The following LRP2 variants were observed in gnomAD, a reference collection of about 807,000 sequenced individuals.
The protein encoded by LRP2 is LDL receptor related protein 2, also known as low-density lipoprotein receptor-related protein 2.
In LRP2, 172 loss-of-function variants were observed where a neutral mutation model predicts 531.0. The ratio of observed to expected loss-of-function variants is 0.32; its 90% CI spans 0.29 to 0.37. LRP2 has a LOEUF of 0.37. Among genes scored for constraint, LRP2 ranks in the 10% least tolerant of loss-of-function variants. The pLI is 1.00. For synonymous variants in LRP2, 1,992 were observed against 2,027.6 expected (o/e 0.98, Z 0.47); for missense variants, 5,167 against 5,868.3 (o/e 0.88, Z 3.90).
chr2:169,360,016 T>C (rs1307628083), intron 1 of LRP2, among the ~76,000 whole-genome samples: 2 of 151,460 alleles, frequency 1.3e-5, no homozygotes, highest in Admixed American at 1.3e-4. Flanking sequence ...TCCCAGCTAC[T>C]TGGGAGGCTG....
Position 169,307,413 on chromosome 2 carries a change from ATTATTAC to A in LRP2, c.311-23_311-17del. ...GTACTTTGTGCTGCGAAGAGAAAAA[ATTATTAC>A]TTAATTTATAATTATTGCTAGACAC... On this transcript the variant is annotated splice_polypyrimidine_tract_variant and intron_variant, in intron 3 of 78. Coordinates refer to ENST00000649046, the MANE Select transcript of LRP2 (RefSeq NM_004525.3). 8 of 1,357,542 alleles carry A rather than the reference ATTATTAC, an allele frequency of 5.9e-6. No individual in the cohort carries two copies. Among genetic ancestry groups the A allele is most frequent in the Non-Finnish European group, 8.5e-6 (8 of 946,140 alleles). The allele number at this position is 1,357,542 out of a possible 1,614,324, so 84.1% of individuals were successfully genotyped here.
intron 32 of LRP2, 126 bp from the exon 33 acceptor site, chr2:169,225,579 G>A (rs897220294): frequency 9.1e-7 from 1 of 1,098,326 alleles, no homozygotes; most frequent in Non-Finnish European, 1.4e-6. Flanking sequence ...CAGAGGAAAG[G>A]CAAACAAAGG....
chr2:169,127,702 A>T lies in LRP2; in HGVS notation c.*961T>A, dbSNP rs1003400022. ...ACTTAGGAAATAAATAGTGATTATA[A>T]TGATATTTTCATAGAAACAAAAACC... On this transcript the variant is annotated 3_prime_UTR_variant, in exon 79 of 79. Transcript: ENST00000649046. The T allele has an allele frequency of 1.3e-5, 2 of 152,512 alleles. No homozygotes were observed. The highest frequency in any genetic ancestry group is 4.8e-5 in the African/African-American group (2 of 41,418). The allele number at this position is 152,512 out of a possible 1,614,324, so 9.4% of individuals were successfully genotyped here.
In LRP2 at chr2:169,176,560, A is replaced by G; in HGVS notation, c.10422T>C (p.Gly3474=). Residue 3474 remains glycine (G), a synonymous_variant, in exon 54 of 79, where the codon GGT becomes GGC. Coordinates refer to ENST00000649046, the MANE Select transcript of LRP2 (RefSeq NM_004525.3). ...TGATGAGGCAGAGATGAGAACAGCC[A>G]CCATTGTTGGTACCACAGGGATTGC... ...IVSNPCGTNN[G]GCSHLCLIKP... 2.5e-6 allele frequency: 4 copies of G among 1,614,186 alleles called. No individual in the cohort carries two copies. Among genetic ancestry groups the G allele is most frequent in the Non-Finnish European group, 3.4e-6 (4 of 1,180,032 alleles).
At chr2:169,187,902 C>A in intron 49 of LRP2, 68 bp downstream of exon 49, 1 of 1,520,418 alleles carries the variant, frequency 6.6e-7, no homozygotes, top group South Asian at 1.1e-5. Context: ...AAGTCTAAGT[C>A]GTGAAGGGTT....
At chr2:169,134,587 T>G (rs567423428) in intron 76 of LRP2, among the ~76,000 whole-genome samples, 2 of 152,180 alleles carry the variant, frequency 1.3e-5, no homozygotes, top group Non-Finnish European at 2.9e-5. Flanking sequence ...TATGCTATAG[T>G]ATCTTCCACA....
chr2:169,241,414 C>T (rs1689800756), intron 24 of LRP2, 49 bp from the exon 25 acceptor site: 1 of 1,604,986 alleles, frequency 6.2e-7, no homozygotes, highest in African/African-American at 1.3e-5. Flanking sequence ...AATTTGTGAT[C>T]CCTTTTATAG....
At chr2:169,219,204 T>A (rs945677199) in intron 34 of LRP2, among the ~76,000 whole-genome samples, 12 of 152,180 alleles carry the variant, frequency 7.9e-5, no homozygotes, top group Non-Finnish European at 1.8e-4. Context: ...CCTTTAAAAA[T>A]TGGATTTGGT....
intron 1 of LRP2, among the ~76,000 whole-genome samples, chr2:169,325,125 G>A (rs756628377): frequency 1.1e-4 from 16 of 150,042 alleles, no homozygotes; most frequent in South Asian, 2.1e-4. Flanking sequence ...TCTTTTACCC[G>A]TTCCTTGTAA....
At chr2:169,175,871 A>G (rs1205382949) in intron 54 of LRP2, among the ~76,000 whole-genome samples, 1 of 152,170 alleles carries the variant, frequency 6.6e-6, no homozygotes, top group Non-Finnish European at 1.5e-5. Flanking sequence ...AGATGCTATG[A>G]TCTGCATTAA....
Position 169,138,596 on chromosome 2 carries a change from A to G in LRP2, c.13499T>C (p.Ile4500Thr). The G allele has an allele frequency of 6.2e-7, 1 of 1,614,058 alleles. No homozygotes were observed. The highest frequency in any genetic ancestry group is 8.5e-7 in the Non-Finnish European group (1 of 1,179,914). The change falls in exon 75 of 79, where the codon ATT (isoleucine) becomes ACT (threonine). Residue 4500 changes from isoleucine (I) to threonine (T), a missense_variant. Physicochemically the swap from Ile to Thr is moderately conservative, Grantham distance 89 (BLOSUM62 -1). This residue lies in a region of LRP2 where 348 missense variants were observed against 369.3 expected (regional missense o/e 0.94). Transcript: ENST00000649046. ...GVSGFGPETA[I>T]DRSMAMSEDF... ...ACTCACCATTGCCATTGACCTGTCA[A>G]TAGCAGTCTCAGGTCCAAAACCAGA...
rs1194298992 is a variant in LRP2, at chr2:169,212,038, C to T, written c.6210G>A (p.Leu2070=). The change falls in exon 37 of 79, where the codon CTG becomes CTA. Residue 2070 remains leucine, a synonymous_variant. Coordinates refer to ENST00000649046, the MANE Select transcript of LRP2 (RefSeq NM_004525.3). ...PYNSFIVVSM[L]SAIRGFSLEL... ...CCAAGCTAAAGCCTCTGATTGCAGA[C>T]AGCATTGAAACAACAATGAAAGAGT... 1 of 1,613,958 alleles carries T rather than the reference C, an allele frequency of 6.2e-7. No individual in the cohort carries two copies. The highest frequency in any genetic ancestry group is 1.1e-5 in the South Asian group (1 of 91,078).
chr2:169,301,149 T>C (rs1445440804), intron 4 of LRP2, among the ~76,000 whole-genome samples: 1 of 152,142 alleles, frequency 6.6e-6, no homozygotes, highest in Non-Finnish European at 1.5e-5. Context: ...AAACCAACGA[T>C]AATTAGCAAT....
At chr2:169,278,467 G>A (rs1436173865) in intron 12 of LRP2, among the ~76,000 whole-genome samples, 1 of 151,934 alleles carries the variant, frequency 6.6e-6, no homozygotes, top group Non-Finnish European at 1.5e-5. Context: ...CTGGGCAACA[G>A]AGCAAGAACC....
intron 4 of LRP2, among the ~76,000 whole-genome samples, chr2:169,300,544 ACT>A (rs1684262549): frequency 2.6e-5 from 4 of 152,020 alleles, no homozygotes; most frequent in South Asian, 4.1e-4. Context: ...ATGCTAGGAA[ACT>A]CTGTTGTAAA....
chr2:169,168,050 T>A (rs1164274046), intron 61 of LRP2, among the ~76,000 whole-genome samples: 1 of 140,160 alleles, frequency 7.1e-6, no homozygotes, highest in East Asian at 2.0e-4. Flanking sequence ...TATATATGCA[T>A]CATTCAGCAA....
In LRP2 at chr2:169,231,322, AAAG is replaced by A. The variant is rs1299788979; in HGVS notation, c.5227+389_5227+391del. On this transcript the variant is annotated intron_variant, in intron 31 of 78. Coordinates refer to ENST00000649046, the MANE Select transcript of LRP2 (RefSeq NM_004525.3). The stretch of plus-strand genomic sequence containing the variant: ...AAGAAAAAAAAAAGAAAGAAAGAAA[AAAG>A]AAAAAAAAAAGAGGGAGAAAGAGAC... Among the ~76,000 whole-genome samples the A allele has an allele frequency of 6.8e-4, 103 of 151,662 alleles. 1 individual carries two copies. Among genetic ancestry groups the A allele is most frequent in the African/African-American group, 2.3e-3 (93 of 41,268 alleles).
Position 169,128,614 on chromosome 2 carries a change from T to C in LRP2, c.*49A>G, listed in dbSNP as rs369652193. 12 of 1,559,092 alleles carry C rather than the reference T, an allele frequency of 7.7e-6. No individual in the cohort carries two copies. The highest frequency in any genetic ancestry group is 9.7e-6 in the Non-Finnish European group (11 of 1,130,566). On this transcript the variant is annotated 3_prime_UTR_variant, in exon 79 of 79. Coordinates refer to ENST00000649046, the MANE Select transcript of LRP2 (RefSeq NM_004525.3). Reference sequence around the variant, plus strand: ...ACTTTTTTCATCTGTTTGTAAAAAATATATGTGCAAAAGTGTGTTTCTAAT... The same window carrying C: ...ACTTTTTTCATCTGTTTGTAAAAAACATATGTGCAAAAGTGTGTTTCTAAT...
intron 40 of LRP2, 127 bp from the exon 41 acceptor site, chr2:169,205,764 C>T (rs1688355900): frequency 1.0e-6 from 1 of 1,004,362 alleles, no homozygotes; most frequent in Non-Finnish European, 1.5e-6. Flanking sequence ...TTCATTTCTA[C>T]TTACACAACT....
Sources: allele counts gnomAD v4.1 joint callset (sites outside exome capture counted in the v4.1 genomes callset), GRCh38; gene constraint gnomAD v4.1.1; regional missense constraint gnomAD v4.1.1; transcripts MANE v1.5; gene names NCBI Gene and HGNC (gene_info 2026-07-23, HGNC 2026-07-21).